GSK3A: variants seen among roughly 807,000 people sequenced by gnomAD.
The protein encoded by GSK3A is glycogen synthase kinase-3 alpha.
Under a neutral mutation model 56.6 loss-of-function variants are expected in GSK3A, and 14 were observed. The observed-to-expected ratio is 0.25, with a 90% CI of 0.16 to 0.39. The LOEUF (loss-of-function observed/expected upper bound fraction) is 0.39. Among genes scored for constraint, GSK3A ranks in the 10% least tolerant of loss-of-function variants. The pLI is 1.00. For missense variants in GSK3A, 450 were observed against 656.0 expected, an observed-to-expected ratio of 0.69 and a Z score of 3.43; for synonymous variants, 301 against 285.0, an observed-to-expected ratio of 1.06 and a Z score of -0.56.
At chr19:42,232,781 G>T in intron 8 of GSK3A, 99 bp from the exon 9 acceptor site, 3 of 1,020,974 alleles carry the variant, frequency 2.9e-6, no homozygotes, top group Non-Finnish European at 2.8e-6. Flanking sequence ...GTTATGACTG[G>T]TTGCTTCCCA....
chr19:42,232,461 C>G, intron 9 of GSK3A, 35 bp downstream of exon 9: 1 of 1,600,240 alleles, frequency 6.2e-7, no homozygotes, highest in African/African-American at 1.3e-5. Flanking sequence ...CCCCCTACCC[C>G]GCCCCACTCC....
intron 2 of GSK3A, 128 bp downstream of exon 2, chr19:42,239,827 T>C (rs2036280452): frequency 1.4e-6 from 1 of 718,516 alleles, no homozygotes; most frequent in Non-Finnish European, 2.4e-6. Context: ...ACAGGTCTCA[T>C]TTCCTCTTTT....
chr19:42,232,399 C>A, intron 9 of GSK3A, 97 bp downstream of exon 9: 1 of 1,173,714 alleles, frequency 8.5e-7, no homozygotes, highest in Non-Finnish European at 1.2e-6. Context: ...GTACCCTGCC[C>A]TTAGCTCCCC....
At chr19:42,233,004 C>G (rs917267338) in intron 8 of GSK3A, 106 bp downstream of exon 8, 10 of 751,946 alleles carry the variant, frequency 1.3e-5, no homozygotes, top group East Asian at 2.6e-5. Flanking sequence ...GATAACTCTT[C>G]AAATCCTCCC....
Position 42,234,708 on chromosome 19 carries a change from A to G in GSK3A, c.667-30T>C. On this transcript the variant is annotated intron_variant, in intron 4 of 10. Coordinates refer to ENST00000222330, the MANE Select transcript of GSK3A (RefSeq NM_019884.3). The surrounding 1 kb of genome is among the most constrained non-coding windows in gnomAD (Gnocchi z 5.7). ...GGCGGGCACAGGATAGCAGAACTTTAGCCCAGCTTTCCCCATACAGCACCA... is the reference window on the plus strand; with the variant it reads ...GGCGGGCACAGGATAGCAGAACTTTGGCCCAGCTTTCCCCATACAGCACCA... The G allele has an allele frequency of 3.9e-6, 6 of 1,525,082 alleles. No individual in the cohort carries two copies. Among genetic ancestry groups the G allele is most frequent in the Non-Finnish European group, 5.3e-6 (6 of 1,130,522 alleles). The allele number at this position is 1,525,082 out of a possible 1,614,324, so 94.5% of individuals were successfully genotyped here. A position where few individuals can be genotyped will look rare whatever the true frequency, so the allele number is the denominator to read the frequency against.
chr19:42,231,698 A>C (rs2146935139), intron 10 of GSK3A, among the ~76,000 whole-genome samples: 1 of 151,350 alleles, frequency 6.6e-6, no homozygotes, highest in South Asian at 2.1e-4. Context: ...GCCTGAGCCC[A>C]GGAGGCGGAG....
intron 2 of GSK3A, 100 bp downstream of exon 2, chr19:42,239,855 C>T: frequency 2.2e-6 from 2 of 910,446 alleles, no homozygotes; most frequent in South Asian, 2.9e-5. Context: ...CTCTTCTGGC[C>T]CATGGCTCTG....
intron 2 of GSK3A, among the ~76,000 whole-genome samples, chr19:42,238,706 T>C (rs890380360): frequency 1.3e-5 from 2 of 148,878 alleles, no homozygotes; most frequent in Admixed American, 6.7e-5. Context: ...ATGCCTGTAA[T>C]ACCAGCACTT....
chr19:42,240,190 C>T (rs376574909), intron 1 of GSK3A, 48 bp from the exon 2 acceptor site: 339 of 1,537,652 alleles, frequency 2.2e-4, no homozygotes, highest in Non-Finnish European at 2.9e-4. Flanking sequence ...CCTGCCTGCG[C>T]ATCACCCTAT....
At chr19:42,233,052 A>G in intron 8 of GSK3A, 58 bp downstream of exon 8, 1 of 1,100,112 alleles carries the variant, frequency 9.1e-7, no homozygotes, top group Non-Finnish European at 1.3e-6. Context: ...AGAACAGTTG[A>G]CCTCCAAGGG....
At chr19:42,235,830 G>C (rs187734533) in intron 4 of GSK3A, among the ~76,000 whole-genome samples, 1 of 152,154 alleles carries the variant, frequency 6.6e-6, no homozygotes. Context: ...CCTGGGACCC[G>C]TATGCAGGCA....
At chr19:42,239,789 C>T (rs2036280193) in intron 2 of GSK3A, among the ~76,000 whole-genome samples, 166 bp downstream of exon 2, 1 of 152,218 alleles carries the variant, frequency 6.6e-6, no homozygotes, top group South Asian at 2.1e-4. Flanking sequence ...GCTCTGGGCT[C>T]TCCTGGGATC....
Position 42,234,981 on chromosome 19 carries a change from G to T in GSK3A, c.667-303C>A, listed in dbSNP as rs1343437563. 6.6e-6 allele frequency among the ~76,000 whole-genome samples: 1 copy of T among 152,140 alleles called. No individual in the cohort carries two copies. On this transcript the variant is annotated intron_variant, in intron 4 of 10. Transcript: ENST00000222330. This position sits in a 1 kb window ranked among gnomAD's most constrained non-coding sequence, Gnocchi z 5.7. The stretch of plus-strand genomic sequence containing the variant: ...GTCTCTACTAAAAATACAAAAATTA[G>T]CCGGGCGTGGTGGTGCACACCTGTA...
chr19:42,232,994 G>A (rs2146935962), intron 8 of GSK3A, 116 bp downstream of exon 8: 1 of 711,680 alleles, frequency 1.4e-6, no homozygotes, highest in South Asian at 1.8e-5. Context: ...TTGATCCCTG[G>A]ATAACTCTTC....
At chr19:42,237,836 G>A (rs752148761) in intron 2 of GSK3A, among the ~76,000 whole-genome samples, 48 of 151,510 alleles carry the variant, frequency 3.2e-4, no homozygotes, top group Non-Finnish European at 6.0e-4. Flanking sequence ...CTGAGATCGC[G>A]CCACTGCACT....
At position 42,237,923 on chromosome 19, in the gene GSK3A, T is replaced by C. The variant is rs540294689; in HGVS notation, c.472-982A>G. 2.7e-3 allele frequency among the ~76,000 whole-genome samples: 414 copies of C among 151,476 alleles called. 2 individuals carry two copies. The highest frequency in any genetic ancestry group is 4.0e-3 in the Non-Finnish European group (272 of 67,820). ...AATAAGATAAAATTTATTATTATTA[T>C]TATTTTTAAAAGAACCTGGCTATGT... On this transcript the variant is annotated intron_variant, in intron 2 of 10. Transcript: ENST00000222330.
At chr19:42,236,448 G>A (rs80053800) in intron 4 of GSK3A, among the ~76,000 whole-genome samples, 158 bp downstream of exon 4, 105 of 152,250 alleles carry the variant, frequency 6.9e-4, no homozygotes, top group African/African-American at 2.3e-3. Context: ...TGTGTTAGGC[G>A]AGCTCCATCT....
intron 10 of GSK3A, among the ~76,000 whole-genome samples, chr19:42,231,279 GA>G (rs1036362684): frequency 6.6e-6 from 1 of 152,184 alleles, no homozygotes; most frequent in African/African-American, 2.4e-5. Flanking sequence ...AGAATCACTT[GA>G]ACCCAGGAGG....
Position 42,234,617 on chromosome 19 carries a change from C to T in GSK3A, c.728G>A (p.Arg243His). 6.2e-7 allele frequency: 1 copy of T among 1,613,508 alleles called. No individual in the cohort carries two copies. The highest frequency in any genetic ancestry group is 8.5e-7 in the Non-Finnish European group (1 of 1,179,798). Residue 243 changes from arginine (R) to histidine (H), a missense_variant, in exon 5 of 11, where the codon CGC becomes CAC. Physicochemically the swap from Arg to His is conservative, Grantham distance 29. Coordinates refer to ENST00000222330, the MANE Select transcript of GSK3A (RefSeq NM_019884.3). This position sits in a 1 kb window ranked among gnomAD's most constrained non-coding sequence, Gnocchi z 5.7. Reference protein sequence around the residue: ...AYIHSQGVCHRDIKPQNLLVD... With the variant: ...AYIHSQGVCHHDIKPQNLLVD... Reference sequence around the variant, plus strand: ...CAGCAGGTTCTGGGGCTTGATGTCGCGGTGACACACGCCCTGGGAGTGGAT... The same window carrying T: ...CAGCAGGTTCTGGGGCTTGATGTCGTGGTGACACACGCCCTGGGAGTGGAT...
Sources: allele counts gnomAD v4.1 joint callset (sites outside exome capture counted in the v4.1 genomes callset), GRCh38; gene constraint gnomAD v4.1.1; non-coding constraint Gnocchi (gnomAD v3.1); transcripts MANE v1.5; gene names NCBI Gene and HGNC (gene_info 2026-07-23, HGNC 2026-07-21).